The following VAT1L variants were observed in gnomAD, a reference collection of about 807,000 sequenced individuals.
VAT1L encodes putative NADPH-dependent quinone oxidoreductase VAT1L.
In VAT1L, 34 loss-of-function variants were observed where a neutral mutation model predicts 44.1. That is an observed-to-expected ratio of 0.77 (90% confidence interval 0.59 to 1.03). The LOEUF (loss-of-function observed/expected upper bound fraction) is 1.03, where lower values mean the gene tolerates loss of function less well. VAT1L is among the 50% of genes least tolerant of loss of function. VAT1L has a pLI of 0.00. For missense variants in VAT1L, 615 were observed against 538.8 expected, an observed-to-expected ratio of 1.14 and a Z score of -1.40; for synonymous variants, 253 against 202.2, an observed-to-expected ratio of 1.25 and a Z score of -2.13.
In VAT1L at chr16:77,922,646, G is replaced by C. The variant is rs568115052; in HGVS notation, c.1077+37844G>C. 3.3e-5 allele frequency among the ~76,000 whole-genome samples: 5 copies of C among 152,294 alleles called. No individual in the cohort carries two copies. In the South Asian group the frequency reaches 1.0e-3, roughly 32 times the overall value. ...GCCTCGAAAATAGGGCAAAGGGAGAGGACGGTATTAAAGTGAATGCCACTC... is the reference window on the plus strand; with the variant it reads ...GCCTCGAAAATAGGGCAAAGGGAGACGACGGTATTAAAGTGAATGCCACTC... On this transcript the variant is annotated intron_variant, in intron 7 of 8. Transcript: ENST00000302536.
chr16:77,919,242 C>T (rs974588805), intron 7 of VAT1L, among the ~76,000 whole-genome samples: 2 of 152,142 alleles, frequency 1.3e-5, no homozygotes, highest in African/African-American at 4.8e-5. Context: ...AACAGAGAGC[C>T]CCTTGTGCTT....
chr16:77,812,354 T>TGAGC (rs1466314559), intron 1 of VAT1L, among the ~76,000 whole-genome samples: 1 of 152,160 alleles, frequency 6.6e-6, no homozygotes, highest in Non-Finnish European at 1.5e-5. Context: ...ATTACAGGCG[T>TGAGC]GAGCCACCAT....
chr16:77,905,785 T>A (rs2017430665), intron 7 of VAT1L, among the ~76,000 whole-genome samples: 1 of 152,236 alleles, frequency 6.6e-6, no homozygotes, highest in South Asian at 2.1e-4. Flanking sequence ...TATAAGCTTA[T>A]CATAGGCCTG....
chr16:77,846,765 G>A lies in VAT1L; in HGVS notation c.580-15983G>A, dbSNP rs911645057. 4.6e-5 allele frequency among the ~76,000 whole-genome samples: 7 copies of A among 152,032 alleles called. No homozygotes were observed. In the East Asian group the frequency reaches 5.8e-4, roughly 13 times the overall value. On this transcript the variant is annotated intron_variant, in intron 3 of 8. Coordinates refer to ENST00000302536, the MANE Select transcript of VAT1L (RefSeq NM_020927.3). Reference sequence around the variant, plus strand: ...AATATTCCATAGTCATTCAAAATGGGGTGTTAAATAATTTGTCATTACCCA... The same window carrying A: ...AATATTCCATAGTCATTCAAAATGGAGTGTTAAATAATTTGTCATTACCCA...
intron 7 of VAT1L, chr16:77,892,982 C>T (rs1440153131): frequency 1.2e-5 from 8 of 677,328 alleles, no homozygotes; most frequent in Non-Finnish European, 2.1e-5. Context: ...GGGTACCCTC[C>T]ATCCCATTTG....
intron 7 of VAT1L, among the ~76,000 whole-genome samples, chr16:77,951,495 G>A (rs1044176545): frequency 6.6e-6 from 1 of 152,180 alleles, no homozygotes; most frequent in African/African-American, 2.4e-5. Context: ...GCAGTGAGCC[G>A]AGATTGCGCC....
intron 7 of VAT1L, among the ~76,000 whole-genome samples, chr16:77,905,841 C>A (rs2017431415): frequency 6.6e-6 from 1 of 152,198 alleles, no homozygotes; most frequent in African/African-American, 2.4e-5. Context: ...TAAAAAGAGT[C>A]AATAGCTACT....
chr16:77,953,099 G>T (rs187687238), intron 7 of VAT1L, among the ~76,000 whole-genome samples: 1 of 152,128 alleles, frequency 6.6e-6, no homozygotes, highest in African/African-American at 2.4e-5. Context: ...TGATGATGGA[G>T]GCAGAGACAG....
intron 4 of VAT1L, among the ~76,000 whole-genome samples, chr16:77,866,923 A>G (rs2016980515): frequency 6.6e-6 from 1 of 152,220 alleles, no homozygotes; most frequent in Non-Finnish European, 1.5e-5. Flanking sequence ...ACAGCCCCTC[A>G]GGTGCACTTG....
intron 3 of VAT1L, among the ~76,000 whole-genome samples, chr16:77,843,143 A>C (rs943864590): frequency 2.0e-5 from 3 of 152,234 alleles, no homozygotes; most frequent in African/African-American, 7.2e-5. Flanking sequence ...GGAAATGAGA[A>C]AGGGGACAGC....
At chr16:77,944,143 G>C (rs1053473300) in intron 7 of VAT1L, among the ~76,000 whole-genome samples, 6 of 152,250 alleles carry the variant, frequency 3.9e-5, no homozygotes, top group African/African-American at 1.4e-4. Flanking sequence ...ATGGAGGCCA[G>C]GGATTGTGCT....
At chr16:77,855,525 G>A (rs1367156297) in intron 3 of VAT1L, among the ~76,000 whole-genome samples, 1 of 152,024 alleles carries the variant, frequency 6.6e-6, no homozygotes, top group Non-Finnish European at 1.5e-5. Flanking sequence ...CAAAAACATA[G>A]TGCACCAATG....
chr16:77,833,938 T>G (rs2016610950), intron 3 of VAT1L, among the ~76,000 whole-genome samples: 1 of 152,120 alleles, frequency 6.6e-6, no homozygotes, highest in African/African-American at 2.4e-5. Flanking sequence ...CGTCTTCCAT[T>G]CACTGCTGTT....
In VAT1L at chr16:77,851,447, G is replaced by A. The variant is rs543053000; in HGVS notation, c.580-11301G>A. On this transcript the variant is annotated intron_variant, in intron 3 of 8. Transcript: ENST00000302536. ...AAGGATTGCTTGAGGCCAGGAGCTC[G>A]AGACCAGCCTGGGCAACATAGTGAG... Among the ~76,000 whole-genome samples the A allele has an allele frequency of 5.3e-5, 8 of 152,210 alleles. No individual in the cohort carries two copies. In the South Asian group the frequency reaches 8.3e-4, roughly 16 times the overall value.
intron 7 of VAT1L, among the ~76,000 whole-genome samples, chr16:77,957,307 G>C (rs1348261333): frequency 2.0e-5 from 3 of 152,138 alleles, no homozygotes; most frequent in Non-Finnish European, 4.4e-5. Flanking sequence ...AATAAAACCA[G>C]TGTTACCTGG....
At chr16:77,933,948 G>A (rs141321711) in intron 7 of VAT1L, among the ~76,000 whole-genome samples, 4 of 152,290 alleles carry the variant, frequency 2.6e-5, no homozygotes, top group Admixed American at 1.3e-4. Flanking sequence ...GAAACCCACT[G>A]GAGTGCTTTG....
chr16:77,884,587 C>T lies in VAT1L; in HGVS notation c.883-21C>T. On this transcript the variant is annotated intron_variant, in intron 6 of 8. Coordinates refer to ENST00000302536, the MANE Select transcript of VAT1L (RefSeq NM_020927.3). The surrounding 1 kb of genome is among the most constrained non-coding windows in gnomAD (Gnocchi z 4.5). ...ACCCCGGTATTGAGTTCCTATAACC[C>T]AATACCACCTCTCTTTGCAGTGGTG... 6.2e-7 allele frequency: 1 copy of T among 1,608,100 alleles called. No individual in the cohort carries two copies. The highest frequency in any genetic ancestry group is 8.5e-7 in the Non-Finnish European group (1 of 1,177,416).
chr16:77,881,901 G>C lies in VAT1L; in HGVS notation c.882+2677G>C, dbSNP rs75033806. 3.5e-3 allele frequency among the ~76,000 whole-genome samples: 531 copies of C among 152,330 alleles called. 3 individuals are homozygous for C. The highest frequency in any genetic ancestry group is 0.012 in the African/African-American group (483 of 41,584). On this transcript the variant is annotated intron_variant, in intron 6 of 8. Transcript: ENST00000302536. ...CAAATTACATACAATTGTAAGAAGT[G>C]TTTTCCCTTTCTCCTCTAAATGCAC...
Position 77,979,484 on chromosome 16 carries a change from C to G in VAT1L, c.*1789C>G, listed in dbSNP as rs185338642. 2.6e-5 allele frequency: 4 copies of G among 152,218 alleles called. No individual in the cohort carries two copies. In the East Asian group the frequency reaches 7.7e-4, roughly 29 times the overall value. The allele number at this position is 152,218 out of a possible 1,614,324, so 9.4% of individuals were successfully genotyped here. A position where few individuals can be genotyped will look rare whatever the true frequency, so the allele number is the denominator to read the frequency against. ...CCCGTAACCATGCTGAAAAGGGGGT[C>G]TTAGGGAGAACTGTCATCCAAGTGG... is the stretch of plus-strand genomic sequence containing the variant. On this transcript the variant is annotated 3_prime_UTR_variant, in exon 9 of 9. Transcript: ENST00000302536.
Sources: allele counts gnomAD v4.1 joint callset (sites outside exome capture counted in the v4.1 genomes callset), GRCh38; gene constraint gnomAD v4.1.1; non-coding constraint Gnocchi (gnomAD v3.1); transcripts MANE v1.5; gene names NCBI Gene and HGNC (gene_info 2026-07-23, HGNC 2026-07-21).